Variants in DLC1 observed in about 807,000 individuals in gnomAD.
DLC1 encodes DLC1 Rho GTPase activating protein, also known as rho GTPase-activating protein 7.
Under a neutral mutation model 140.3 loss-of-function variants are expected in DLC1, and 54 were observed. The ratio of observed to expected loss-of-function variants is 0.38; its 90% CI spans 0.31 to 0.48. DLC1 has a LOEUF of 0.48. Ranked by LOEUF, DLC1 falls within the 20% of genes least tolerant of loss-of-function variation. The pLI, the probability that DLC1 is intolerant of heterozygous loss-of-function variation, is 0.96. For synonymous variants in DLC1, 986 were observed against 728.1 expected (o/e 1.35, Z -5.70); for missense variants, 2,536 against 1,907.0 (o/e 1.33, Z -6.14).
At chr8:13,536,816 C>G (rs1471174180) in intron 1 of DLC1, among the ~76,000 whole-genome samples, 6 of 152,162 alleles carry the variant, frequency 3.9e-5, no homozygotes, top group Non-Finnish European at 8.8e-5. Context: ...AATCTTCAAT[C>G]TCCTTCCTTT....
At chr8:13,108,696 C>T (rs929269140) in intron 7 of DLC1, among the ~76,000 whole-genome samples, 2 of 152,140 alleles carry the variant, frequency 1.3e-5, no homozygotes, top group Non-Finnish European at 2.9e-5. Flanking sequence ...TCTCTAACTG[C>T]GTGAAATGAT....
intron 4 of DLC1, among the ~76,000 whole-genome samples, chr8:13,334,424 G>T (rs953238211): frequency 2.0e-5 from 3 of 152,170 alleles, no homozygotes; most frequent in Non-Finnish European, 2.9e-5. Context: ...GCAGCTGGAA[G>T]TTCTAAGCAA....
intron 5 of DLC1, among the ~76,000 whole-genome samples, chr8:13,290,822 T>G (rs1028281910): frequency 2.0e-5 from 3 of 152,270 alleles, no homozygotes; most frequent in Middle Eastern, 3.4e-3. Context: ...TTGTGGAGAA[T>G]GTGAGCATTC....
At chr8:13,439,463 T>C (rs971613919) in intron 2 of DLC1, among the ~76,000 whole-genome samples, 1 of 152,136 alleles carries the variant, frequency 6.6e-6, no homozygotes, top group Non-Finnish European at 1.5e-5. Context: ...TCATACAACT[T>C]TCTCTGTTTT....
At chr8:13,244,255 G>A (rs1156804415) in intron 5 of DLC1, among the ~76,000 whole-genome samples, 2 of 151,184 alleles carry the variant, frequency 1.3e-5, no homozygotes, top group Non-Finnish European at 2.9e-5. Flanking sequence ...ATCTCTGCCT[G>A]TCAGTATGAT....
At chr8:13,587,527 C>T (rs1487804564) in intron 1 of DLC1, among the ~76,000 whole-genome samples, 4 of 146,256 alleles carry the variant, frequency 2.7e-5, no homozygotes, top group Non-Finnish European at 1.5e-5. Context: ...AAGCTTTGAA[C>T]AGCACAAATG....
chr8:13,307,185 C>T (rs965482777), intron 4 of DLC1, among the ~76,000 whole-genome samples: 1 of 150,658 alleles, frequency 6.6e-6, no homozygotes, highest in Non-Finnish European at 1.5e-5. Flanking sequence ...ATCTACATTT[C>T]GTTGTTCAGC....
At chr8:13,563,165 C>T (rs1448086321) in intron 1 of DLC1, among the ~76,000 whole-genome samples, 1 of 152,020 alleles carries the variant, frequency 6.6e-6, no homozygotes, top group Non-Finnish European at 1.5e-5. Context: ...GGAAGTAAAA[C>T]CTTTGAGGAC....
chr8:13,305,113 T>C, intron 5 of DLC1, 156 bp downstream of exon 5: 2 of 1,324,346 alleles, frequency 1.5e-6, no homozygotes, highest in Non-Finnish European at 9.7e-7. Flanking sequence ...TTCTTACATA[T>C]TGAGCAAAAC....
chr8:13,263,177 TG>T (rs1353145983), intron 5 of DLC1, among the ~76,000 whole-genome samples: 1 of 152,224 alleles, frequency 6.6e-6, no homozygotes, highest in Non-Finnish European at 1.5e-5. Context: ...AGGGAATCTT[TG>T]GTCTCCGTGG....
chr8:13,352,498 C>A (rs534073000), intron 4 of DLC1, among the ~76,000 whole-genome samples: 1 of 152,032 alleles, frequency 6.6e-6, no homozygotes, highest in Non-Finnish European at 1.5e-5. Context: ...CCTCCCACCT[C>A]GGCCTCGCAA....
At chr8:13,162,993 G>C (rs1291223078) in intron 5 of DLC1, among the ~76,000 whole-genome samples, 1 of 152,144 alleles carries the variant, frequency 6.6e-6, no homozygotes, top group Non-Finnish European at 1.5e-5. Flanking sequence ...CTTTCCTAAA[G>C]TCATTGCCAT....
At chr8:13,311,762 G>A (rs752355462) in intron 4 of DLC1, among the ~76,000 whole-genome samples, 6 of 152,266 alleles carry the variant, frequency 3.9e-5, no homozygotes, top group Non-Finnish European at 7.4e-5. Flanking sequence ...GAGATATTTT[G>A]GTGCTGCTCA....
chr8:13,243,347 C>T (rs1357321675), intron 5 of DLC1, among the ~76,000 whole-genome samples: 2 of 150,402 alleles, frequency 1.3e-5, no homozygotes, highest in East Asian at 3.9e-4. Context: ...TGTCTCTCTC[C>T]TGCCACCATG....
At chr8:13,350,415 A>G (rs181868151) in intron 4 of DLC1, among the ~76,000 whole-genome samples, 1 of 152,162 alleles carries the variant, frequency 6.6e-6, no homozygotes, top group African/African-American at 2.4e-5. Context: ...TGAAGTGCTA[A>G]GTATAAAGAA....
chr8:13,333,946 A>C (rs971549938), intron 4 of DLC1, among the ~76,000 whole-genome samples: 1 of 152,186 alleles, frequency 6.6e-6, no homozygotes, highest in Non-Finnish European at 1.5e-5. Context: ...GATGAACAGA[A>C]TTTGAAAAGC....
intron 4 of DLC1, among the ~76,000 whole-genome samples, chr8:13,362,571 A>G (rs1835281020): frequency 6.6e-6 from 1 of 151,990 alleles, no homozygotes; most frequent in Admixed American, 6.6e-5. Context: ...CTTGCAATTC[A>G]TAATTAATGG....
chr8:13,394,932 A>T (rs1836950770), intron 3 of DLC1, among the ~76,000 whole-genome samples: 1 of 151,678 alleles, frequency 6.6e-6, no homozygotes, highest in Non-Finnish European at 1.5e-5. Flanking sequence ...AAACCAAAGA[A>T]CTTCACTCCC....
At chr8:13,182,679 T>C (rs1192429657) in intron 5 of DLC1, among the ~76,000 whole-genome samples, 1 of 152,210 alleles carries the variant, frequency 6.6e-6, no homozygotes, top group African/African-American at 2.4e-5. Flanking sequence ...CATTGGTCTA[T>C]ATCTCTGTTT....
Sources: allele counts gnomAD v4.1 joint callset (sites outside exome capture counted in the v4.1 genomes callset), GRCh38; gene constraint gnomAD v4.1.1; transcripts MANE v1.5; gene names NCBI Gene and HGNC (gene_info 2026-07-23, HGNC 2026-07-21).